LINGO2: variants seen among roughly 807,000 people sequenced by gnomAD.
LINGO2 encodes leucine-rich repeat and immunoglobulin-like domain-containing nogo receptor-interacting protein 2.
A neutral mutation model predicts 30.6 loss-of-function variants in LINGO2; 14 were observed. The observed-to-expected ratio is 0.46, with a 90% confidence interval of 0.30 to 0.72. LINGO2 has a LOEUF of 0.72. Ranked by LOEUF, LINGO2 falls within the 30% of genes least tolerant of loss-of-function variation. The pLI is 0.07. For synonymous variants in LINGO2, 317 were observed against 288.5 expected (o/e 1.10, Z -1.00); for missense variants, 729 against 751.7 (o/e 0.97, Z 0.35).
the LINGO2 span, among the ~76,000 whole-genome samples, chr9:28,734,795 G>C: frequency 2.0e-5 from 3 of 152,048 alleles, no homozygotes; most frequent in Admixed American, 2.0e-4. Flanking sequence ...TTCCCAGTAA[G>C]TCCCACTCGG....
chr9:28,050,507 T>G (rs1164707816), intron 4 of LINGO2, among the ~76,000 whole-genome samples: 2 of 150,948 alleles, frequency 1.3e-5, no homozygotes, highest in African/African-American at 4.9e-5. Context: ...AATGTTAAAA[T>G]ACTACAAGAG....
At chr9:28,791,665 C>G in the LINGO2 span, among the ~76,000 whole-genome samples, 3 of 151,868 alleles carry the variant, frequency 2.0e-5, no homozygotes, top group African/African-American at 7.2e-5. Context: ...AAAAAGTACT[C>G]TACTTTACTC....
rs866008700 is a variant in LINGO2, at chr9:28,631,342, T to C, written c.-365+38858A>G. Among the ~76,000 whole-genome samples, 31 of 148,930 alleles carry C rather than the reference T, an allele frequency of 2.1e-4. 1 individual carries two copies. The highest frequency in any genetic ancestry group is 3.5e-3 in the Middle Eastern group (1 of 286). On this transcript the variant is annotated intron_variant, in intron 1 of 5. Transcript: ENST00000379992. ...CCCCATGACAGGCTCCGGTGTGTGA[T>C]GTTCCCCTTCCTGTGTCCATGTGTT...
the LINGO2 span, among the ~76,000 whole-genome samples, chr9:28,735,714 A>T: frequency 6.6e-6 from 1 of 152,162 alleles, no homozygotes. Context: ...CTATAATGAC[A>T]TTCTTTTAAT....
intron 1 of LINGO2, among the ~76,000 whole-genome samples, chr9:28,525,804 T>C (rs905470091): frequency 5.9e-5 from 9 of 152,078 alleles, no homozygotes; most frequent in South Asian, 4.2e-4. Context: ...GCCTGTAATC[T>C]CAGCACTTTG....
intron 1 of LINGO2, among the ~76,000 whole-genome samples, chr9:28,497,458 T>G (rs887593881): frequency 7.2e-5 from 11 of 152,218 alleles, no homozygotes; most frequent in Non-Finnish European, 1.6e-4. Context: ...AATCGGCTAC[T>G]GAAGCTTGTG....
rs542973891 is a variant in LINGO2 at position 28,247,532 on chromosome 9, AG to A, written c.-87+47675del. On this transcript the variant is annotated intron_variant, in intron 4 of 5. Coordinates refer to ENST00000379992, the Ensembl canonical transcript of LINGO2. Reference sequence around the variant, plus strand: ...CCAAACACTGTATGTTCTCACTCTTAGGTGGGAGTTGAACAATGAGAACACA... The same window carrying A: ...CCAAACACTGTATGTTCTCACTCTTAGTGGGAGTTGAACAATGAGAACACA... 3.5e-3 allele frequency among the ~76,000 whole-genome samples: 527 copies of A among 152,292 alleles called. 5 individuals are homozygous for A. The highest frequency in any genetic ancestry group is 0.012 in the African/African-American group (496 of 41,572).
intron 4 of LINGO2, among the ~76,000 whole-genome samples, chr9:28,155,897 C>T (rs532838017): frequency 9.2e-5 from 14 of 152,272 alleles, no homozygotes; most frequent in South Asian, 2.1e-4. Context: ...AGGAAATGTG[C>T]CTTCTCCAGA....
chr9:29,072,754 CCTCTT>C, the LINGO2 span, among the ~76,000 whole-genome samples: 2 of 151,578 alleles, frequency 1.3e-5, no homozygotes, highest in East Asian at 3.9e-4. Flanking sequence ...TTCTCTGTCT[CCTCTT>C]CTCTCTCCAA....
the LINGO2 span, among the ~76,000 whole-genome samples, chr9:28,952,641 C>T: frequency 6.6e-6 from 1 of 152,112 alleles, no homozygotes; most frequent in Non-Finnish European, 1.5e-5. Context: ...GAAAACCACA[C>T]TGGCCTTTTC....
the LINGO2 span, among the ~76,000 whole-genome samples, chr9:28,777,031 C>T: frequency 6.6e-6 from 1 of 151,974 alleles, no homozygotes; most frequent in Non-Finnish European, 1.5e-5. Context: ...GGCACGTCCC[C>T]CTTTGCTCCC....
chr9:28,065,169 G>A lies in LINGO2; in HGVS notation c.-86-52764C>T, dbSNP rs985094304. Reference sequence around the variant, plus strand: ...GAGTGGGATTGGGAGAGATCAAACTGTTGGTTTTTCTGATCTCCAAGTTAA... The same window carrying A: ...GAGTGGGATTGGGAGAGATCAAACTATTGGTTTTTCTGATCTCCAAGTTAA... On this transcript the variant is annotated intron_variant, in intron 4 of 5. Transcript: ENST00000379992. 6.0e-5 allele frequency among the ~76,000 whole-genome samples: 9 copies of A among 150,534 alleles called. No homozygotes were observed. The East Asian group carries it at 1.4e-3, about 23-fold the overall frequency.
intron 1 of LINGO2, among the ~76,000 whole-genome samples, chr9:28,499,228 A>G (rs1372941989): frequency 6.6e-6 from 1 of 152,244 alleles, no homozygotes; most frequent in Non-Finnish European, 1.5e-5. Flanking sequence ...AGTGAAAGAC[A>G]GATGACTTGT....
the LINGO2 span, among the ~76,000 whole-genome samples, chr9:28,908,974 T>C: frequency 2.6e-5 from 4 of 151,960 alleles, no homozygotes; most frequent in Non-Finnish European, 5.9e-5. Flanking sequence ...ATATTTTAGG[T>C]TGCAATCCAA....
exon 6 of LINGO2, chr9:27,949,463 A>T: frequency 6.2e-7 from 1 of 1,614,120 alleles, no homozygotes; most frequent in Non-Finnish European, 8.5e-7. Context: ...AGGTAAAGTA[A>T]AAAGAAAGGG....
the LINGO2 span, among the ~76,000 whole-genome samples, chr9:29,025,106 T>A: frequency 6.6e-6 from 1 of 151,800 alleles, no homozygotes; most frequent in South Asian, 2.1e-4. Context: ...CAGATTGCAA[T>A]CTGTTTTTCA....
At chr9:28,600,795 A>C (rs1047095100) in intron 1 of LINGO2, among the ~76,000 whole-genome samples, 15 of 152,218 alleles carry the variant, frequency 9.9e-5, no homozygotes, top group African/African-American at 3.6e-4. Context: ...TAGCCTGTTC[A>C]CTTAACTAAT....
intron 4 of LINGO2, among the ~76,000 whole-genome samples, chr9:28,081,678 T>A (rs1191887380): frequency 1.3e-5 from 2 of 152,202 alleles, no homozygotes; most frequent in Non-Finnish European, 2.9e-5. Context: ...TTGGATGAGT[T>A]ACTTAATGAA....
the LINGO2 span, among the ~76,000 whole-genome samples, chr9:29,147,916 G>A: frequency 1.3e-5 from 2 of 151,962 alleles, no homozygotes; most frequent in Non-Finnish European, 2.9e-5. Flanking sequence ...TAATTCTTTA[G>A]TGATTCATTG....
Sources: allele counts gnomAD v4.1 joint callset (sites outside exome capture counted in the v4.1 genomes callset), GRCh38; gene constraint gnomAD v4.1.1; transcripts MANE v1.5; gene names NCBI Gene and HGNC (gene_info 2026-07-23, HGNC 2026-07-21).